FUT8: variants seen among roughly 807,000 people sequenced by gnomAD.
FUT8 encodes fucosyltransferase 8, also known as alpha-(1,6)-fucosyltransferase.
FUT8 carries 29 observed loss-of-function variants against 71.3 expected under a neutral mutation model. The observed-to-expected ratio is 0.41, with a 90% CI of 0.30 to 0.55. The LOEUF (loss-of-function observed/expected upper bound fraction) is 0.55, where lower values mean the gene tolerates loss of function less well. Ranked by LOEUF, FUT8 falls within the 20% of genes least tolerant of loss-of-function variation. FUT8 has a pLI of 0.34. For missense variants in FUT8, 544 were observed against 702.1 expected (o/e 0.77, Z 2.55); for synonymous variants, 254 against 239.3 (o/e 1.06, Z -0.57).
Position 65,451,628 on chromosome 14 carries a change from A to G in FUT8, c.-325-3993A>G, listed in dbSNP as rs2065828262. Among the ~76,000 whole-genome samples the G allele has an allele frequency of 5.3e-5, 8 of 152,346 alleles. No homozygotes were observed. The South Asian group carries it at 1.7e-3, about 32-fold the overall frequency. ...TGGCGCCCAGGAAAAATGAGGTTACATGAATGAATTGAAAGATGGTAAATG... is the reference window on the plus strand; with the variant it reads ...TGGCGCCCAGGAAAAATGAGGTTACGTGAATGAATTGAAAGATGGTAAATG... On this transcript the variant is annotated intron_variant, in intron 1 of 10. Transcript: ENST00000673929.
intron 6 of FUT8, among the ~76,000 whole-genome samples, chr14:65,656,879 A>G (rs1891709749): frequency 6.6e-6 from 1 of 152,202 alleles, no homozygotes; most frequent in Admixed American, 6.5e-5. Flanking sequence ...ATTTTCAACG[A>G]AAGTCACAAA....
Position 65,742,815 on chromosome 14 carries a change from C to T in FUT8, c.*405C>T, listed in dbSNP as rs576558576. 1 of 162,170 alleles carries T rather than the reference C, an allele frequency of 6.2e-6. No homozygotes were observed. The highest frequency in any genetic ancestry group is 1.4e-5 in the Non-Finnish European group (1 of 73,186). 10.0% of individuals were successfully genotyped at this position (162,170 alleles called of 1,614,324 possible). Reference sequence around the variant, plus strand: ...AACTATTGAGAAGATCGGAACAGCTCCTTACTCTGAGGAAGTTGATTCTTA... The same window carrying T: ...AACTATTGAGAAGATCGGAACAGCTTCTTACTCTGAGGAAGTTGATTCTTA... On this transcript the variant is annotated 3_prime_UTR_variant, in exon 11 of 11. Coordinates refer to ENST00000673929, the MANE Select transcript of FUT8 (RefSeq NM_001371533.1).
intron 1 of FUT8, among the ~76,000 whole-genome samples, chr14:65,425,724 T>G (rs144723379): frequency 0.026 from 3,909 of 152,002 alleles, 60 homozygotes; most frequent in Non-Finnish European, 0.038. Flanking sequence ...ATGCCTGTAA[T>G]CCCAACACTT....
At chr14:65,699,229 C>T (rs1437967097) in intron 7 of FUT8, among the ~76,000 whole-genome samples, 1 of 150,908 alleles carries the variant, frequency 6.6e-6, no homozygotes, top group Non-Finnish European at 1.5e-5. Flanking sequence ...CCCATTCACA[C>T]CTGTTCCTAA....
At chr14:65,688,084 A>C in intron 7 of FUT8, among the ~76,000 whole-genome samples, 1 of 152,276 alleles carries the variant, frequency 6.6e-6, no homozygotes, top group African/African-American at 2.4e-5. Context: ...CAGTGAAGTG[A>C]TATTGATATA....
chr14:65,525,816 C>A (rs28789146), intron 2 of FUT8, among the ~76,000 whole-genome samples: 2 of 152,054 alleles, frequency 1.3e-5, no homozygotes, highest in Non-Finnish European at 2.9e-5. Flanking sequence ...CATTTCGTTA[C>A]GTACCCAGTA....
intron 7 of FUT8, among the ~76,000 whole-genome samples, chr14:65,681,315 A>G (rs1893023894): frequency 6.6e-6 from 1 of 152,174 alleles, no homozygotes; most frequent in African/African-American, 2.4e-5. Flanking sequence ...CACCTTACCT[A>G]TGTTATTCAA....
At chr14:65,367,831 C>T in the FUT8 span, among the ~76,000 whole-genome samples, 3 of 151,920 alleles carry the variant, frequency 2.0e-5, no homozygotes, top group East Asian at 3.9e-4. Context: ...GTGTTTATTC[C>T]CTTCCTTCAT....
chr14:65,441,593 A>AC (rs200597349), intron 1 of FUT8, among the ~76,000 whole-genome samples: 4 of 146,476 alleles, frequency 2.7e-5, no homozygotes, highest in East Asian at 2.0e-4. Context: ...ACACACACAC[A>AC]AAAAAAAAAA....
At position 65,669,169 on chromosome 14, in the gene FUT8, A is replaced by G; in HGVS notation, c.598-74A>G. The G allele has an allele frequency of 8.8e-7, 1 of 1,135,326 alleles. No individual in the cohort carries two copies. Among genetic ancestry groups the G allele is most frequent in the South Asian group, 1.5e-5 (1 of 67,382 alleles). 70.3% of individuals were successfully genotyped at this position (1,135,326 alleles called of 1,614,324 possible). On this transcript the variant is annotated intron_variant, in intron 6 of 10. Transcript: ENST00000673929. The surrounding 1 kb of genome is among the most constrained non-coding windows in gnomAD (Gnocchi z 4.5). ...GCATGTGTACCCCTGAAGATGAAAG[A>G]TTAAAAAAAAAAAAGAGCAGTTGAC... is the stretch of plus-strand genomic sequence containing the variant.
the FUT8 span, among the ~76,000 whole-genome samples, chr14:65,372,679 A>G: frequency 6.6e-6 from 1 of 152,108 alleles, no homozygotes; most frequent in Non-Finnish European, 1.5e-5. Context: ...GGCCTTCCAA[A>G]GTGCTGGGAT....
At chr14:65,527,743 C>T (rs934289622) in intron 2 of FUT8, among the ~76,000 whole-genome samples, 14 of 152,286 alleles carry the variant, frequency 9.2e-5, no homozygotes, top group Non-Finnish European at 1.9e-4. Context: ...GAAGTCATTT[C>T]TGTTTGTTAG....
the FUT8 span, among the ~76,000 whole-genome samples, chr14:65,380,153 G>T: frequency 6.6e-6 from 1 of 152,172 alleles, no homozygotes; most frequent in African/African-American, 2.4e-5. Flanking sequence ...TTTCTACATG[G>T]CTGGGGAGGC....
intron 7 of FUT8, among the ~76,000 whole-genome samples, chr14:65,712,396 A>T (rs1176705460): frequency 1.3e-5 from 2 of 152,210 alleles, no homozygotes; most frequent in Non-Finnish European, 2.9e-5. Context: ...AGCAATACAC[A>T]TTCTATTATC....
chr14:65,651,751 T>C (rs1891419812), intron 6 of FUT8, among the ~76,000 whole-genome samples: 1 of 152,038 alleles, frequency 6.6e-6, no homozygotes, highest in Admixed American at 6.6e-5. Context: ...ATAAACTAAA[T>C]TAAAAATTAG....
chr14:65,635,560 T>C (rs986083212), intron 6 of FUT8, among the ~76,000 whole-genome samples: 17 of 152,240 alleles, frequency 1.1e-4, no homozygotes, highest in African/African-American at 3.6e-4. Context: ...CTGGATTTTG[T>C]TGAGTGCTTT....
At chr14:65,722,228 C>T (rs1895456127) in intron 8 of FUT8, among the ~76,000 whole-genome samples, 1 of 152,054 alleles carries the variant, frequency 6.6e-6, no homozygotes, top group African/African-American at 2.4e-5. Context: ...CTTAGTAGTG[C>T]TCTATTACTG....
chr14:65,406,464 G>T (rs934896838), upstream of FUT8, among the ~76,000 whole-genome samples: 8 of 152,206 alleles, frequency 5.3e-5, no homozygotes, highest in South Asian at 1.7e-3. Flanking sequence ...AGGAAGATAT[G>T]CTCAACTCTG....
intron 3 of FUT8, among the ~76,000 whole-genome samples, chr14:65,610,984 A>G (rs767974872): frequency 1.3e-5 from 2 of 151,564 alleles, no homozygotes; most frequent in East Asian, 1.9e-4. Flanking sequence ...TTCTTACTAT[A>G]TCTTTCTCTG....
Sources: allele counts gnomAD v4.1 joint callset (sites outside exome capture counted in the v4.1 genomes callset), GRCh38; gene constraint gnomAD v4.1.1; non-coding constraint Gnocchi (gnomAD v3.1); transcripts MANE v1.5; gene names NCBI Gene and HGNC (gene_info 2026-07-23, HGNC 2026-07-21).